POU2AF2: variants seen among roughly 807,000 people sequenced by gnomAD.
POU2AF2 encodes POU domain class 2-associating factor 2.
the POU2AF2 span, among the ~76,000 whole-genome samples, chr11:111,274,902 G>A: frequency 6.6e-6 from 1 of 151,948 alleles, no homozygotes; most frequent in East Asian, 1.9e-4. Context: ...CTCCTAGAAG[G>A]GAAATCAGGT....
the POU2AF2 span, among the ~76,000 whole-genome samples, chr11:111,264,954 G>GAGGA: frequency 6.9e-6 from 1 of 144,510 alleles, no homozygotes; most frequent in South Asian, 2.3e-4. Flanking sequence ...GAGGGAGGGA[G>GAGGA]AGGAAGGAAG....
the POU2AF2 span, among the ~76,000 whole-genome samples, chr11:111,277,334 C>T: frequency 6.6e-6 from 1 of 152,108 alleles, no homozygotes; most frequent in Non-Finnish European, 1.5e-5. Context: ...GTAGAGTCTT[C>T]TGGTATAAAA....
At chr11:111,285,858 A>G in the POU2AF2 span, 1 of 1,610,056 alleles carries the variant, frequency 6.2e-7, no homozygotes. Flanking sequence ...GATCTGCACC[A>G]CACTCCGGGG....
the POU2AF2 span, among the ~76,000 whole-genome samples, chr11:111,254,818 C>T: frequency 6.6e-6 from 1 of 152,188 alleles, no homozygotes; most frequent in African/African-American, 2.4e-5. Context: ...GCCATACACA[C>T]TGATGCTGAA....
At chr11:111,285,996 G>C in the POU2AF2 span, 1 of 1,613,924 alleles carries the variant, frequency 6.2e-7, no homozygotes, top group Non-Finnish European at 8.5e-7. Flanking sequence ...CCTTCCCCTT[G>C]GGTGAAAGAA....
At chr11:111,280,057 A>AAAAAAATATATAT in the POU2AF2 span, among the ~76,000 whole-genome samples, 53 of 76,466 alleles carry the variant, frequency 6.9e-4, no homozygotes, top group Non-Finnish European at 1.2e-3. Context: ...AAAAAAAAAA[A>AAAAAAATATATAT]ATATATATAT....
At chr11:111,272,394 T>C in the POU2AF2 span, among the ~76,000 whole-genome samples, 2 of 152,154 alleles carry the variant, frequency 1.3e-5, no homozygotes, top group Non-Finnish European at 2.9e-5. Flanking sequence ...TATCTATTAG[T>C]TTTCCCATCA....
At chr11:111,255,524 T>C in the POU2AF2 span, among the ~76,000 whole-genome samples, 1 of 152,204 alleles carries the variant, frequency 6.6e-6, no homozygotes, top group Non-Finnish European at 1.5e-5. Context: ...CGTAATCTTC[T>C]TAAAACTCCT....
chr11:111,259,652 T>C, the POU2AF2 span, among the ~76,000 whole-genome samples: 1 of 152,126 alleles, frequency 6.6e-6, no homozygotes, highest in Non-Finnish European at 1.5e-5. Context: ...CAAAGGGGAC[T>C]AGAATAGAAT....
the POU2AF2 span, among the ~76,000 whole-genome samples, chr11:111,277,911 C>T: frequency 6.6e-6 from 1 of 152,230 alleles, no homozygotes; most frequent in Non-Finnish European, 1.5e-5. Flanking sequence ...CACTGGATAA[C>T]ATGGGCGCCT....
the POU2AF2 span, among the ~76,000 whole-genome samples, chr11:111,264,574 AAGGGAGAG>A: frequency 4.1e-5 from 1 of 24,540 alleles, no homozygotes; most frequent in East Asian, 6.9e-4. Flanking sequence ...GAAAGAAAGA[AAGGGAGAG>A]AGAAAGACAG....
chr11:111,285,522 C>A, the POU2AF2 span: 1 of 903,682 alleles, frequency 1.1e-6, no homozygotes, highest in Non-Finnish European at 1.6e-6. Flanking sequence ...AGAAGAGCAG[C>A]CTGAGAGCCA....
the POU2AF2 span, among the ~76,000 whole-genome samples, chr11:111,275,978 GAC>G: frequency 2.4e-4 from 36 of 152,174 alleles, no homozygotes; most frequent in Admixed American, 6.5e-4. Context: ...AAGAATCACA[GAC>G]ACAGAGAAAA....
chr11:111,265,193 G>C, the POU2AF2 span, among the ~76,000 whole-genome samples: 1 of 150,964 alleles, frequency 6.6e-6, no homozygotes, highest in African/African-American at 2.5e-5. Flanking sequence ...GAAAGAGAAG[G>C]TTGGGAGGCC....
the POU2AF2 span, among the ~76,000 whole-genome samples, chr11:111,276,453 A>AAAAAAAAAAAAATATATATAT: frequency 2.7e-5 from 1 of 37,690 alleles, no homozygotes; most frequent in Non-Finnish European, 5.0e-5. Context: ...AAAAAAAAAA[A>AAAAAAAAAAAAATATATATAT]ATATATATAT....
At chr11:111,270,641 T>TA in the POU2AF2 span, among the ~76,000 whole-genome samples, 2 of 152,238 alleles carry the variant, frequency 1.3e-5, no homozygotes, top group African/African-American at 4.8e-5. Flanking sequence ...AGGGTTTTTT[T>TA]ATTTGTAAAT....
chr11:111,272,369 C>A, the POU2AF2 span, among the ~76,000 whole-genome samples: 1 of 152,108 alleles, frequency 6.6e-6, no homozygotes, highest in African/African-American at 2.4e-5. Flanking sequence ...TGACCTTGGA[C>A]AAGTCCTTCA....
chr11:111,261,605 G>A, the POU2AF2 span, among the ~76,000 whole-genome samples: 297 of 128,916 alleles, frequency 2.3e-3, 3 homozygotes, highest in Admixed American at 0.011. Context: ...GTAGGAAAAG[G>A]AAATCAGCTT....
the POU2AF2 span, among the ~76,000 whole-genome samples, chr11:111,267,247 G>T: frequency 2.0e-5 from 3 of 152,138 alleles, no homozygotes; most frequent in Non-Finnish European, 4.4e-5. Flanking sequence ...TGCATCCAGT[G>T]GGGGGAATAT....
Sources: allele counts gnomAD v4.1 joint callset (sites outside exome capture counted in the v4.1 genomes callset), GRCh38; gene constraint gnomAD v4.1.1; transcripts MANE v1.5; gene names NCBI Gene and HGNC (gene_info 2026-07-23, HGNC 2026-07-21).